DNM3: variants seen among roughly 807,000 people sequenced by gnomAD.
DNM3 encodes the protein dynamin 3.
A neutral mutation model predicts 101.6 loss-of-function variants in DNM3; 47 were observed. The ratio of observed to expected loss-of-function variants is 0.46; its 90% confidence interval spans 0.37 to 0.59. The LOEUF is 0.59. DNM3 is among the 20% of genes least tolerant of loss of function. The probability of loss-of-function intolerance (pLI) is 0.00; values close to 1 mark genes in which losing one functional copy is unlikely to be tolerated. For synonymous variants in DNM3, 385 were observed against 387.9 expected (o/e 0.99, Z 0.09); for missense variants, 849 against 1,085.7 (o/e 0.78, Z 3.06).
chr1:171,969,994 G>A (rs1404621013), intron 2 of DNM3: 1 of 152,166 alleles, frequency 6.6e-6, no homozygotes, highest in Non-Finnish European at 1.5e-5. Context: ...TTTACTCTAA[G>A]GGTCAAGAGT....
chr1:171,848,470 CATT>C (rs2032497720), intron 1 of DNM3, among the ~76,000 whole-genome samples: 1 of 152,140 alleles, frequency 6.6e-6, no homozygotes, highest in Non-Finnish European at 1.5e-5. Flanking sequence ...TGTTTTTACA[CATT>C]ATTAATATTT....
At chr1:171,959,010 G>T (rs1485729239) in intron 2 of DNM3, among the ~76,000 whole-genome samples, 1 of 152,098 alleles carries the variant, frequency 6.6e-6, no homozygotes, top group African/African-American at 2.4e-5. Flanking sequence ...AGTCCCAAAT[G>T]AATGACTTCA....
At chr1:171,934,321 C>T (rs925956416) in intron 2 of DNM3, among the ~76,000 whole-genome samples, 3 of 152,204 alleles carry the variant, frequency 2.0e-5, no homozygotes, top group African/African-American at 7.2e-5. Context: ...AGCATCCTTG[C>T]ATTCCTAAGA....
At chr1:171,865,296 G>C (rs1358451596) in intron 1 of DNM3, among the ~76,000 whole-genome samples, 1 of 151,832 alleles carries the variant, frequency 6.6e-6, no homozygotes, top group Non-Finnish European at 1.5e-5. Flanking sequence ...CAGGCAAATC[G>C]CTTGAGCCCG....
rs180676109 is a variant in DNM3 at position 172,071,626 on chromosome 1, G to C, written c.1422+2721G>C. On this transcript the variant is annotated intron_variant, in intron 11 of 20. Coordinates refer to ENST00000627582, the MANE Select transcript of DNM3 (RefSeq NM_015569.5). ...TACCAACTTCTGCTCTGGAAGCTTT[G>C]TGGGAAAAAAAAATCTTCAAAATTA... Among the ~76,000 whole-genome samples, 18 of 150,128 alleles carry C rather than the reference G, an allele frequency of 1.2e-4. 1 individual carries two copies. In the East Asian group the frequency reaches 3.6e-3, roughly 30 times the overall value.
intron 14 of DNM3, among the ~76,000 whole-genome samples, chr1:172,178,136 T>C (rs1456632922): frequency 6.6e-6 from 1 of 151,858 alleles, no homozygotes; most frequent in East Asian, 1.9e-4. Context: ...TATTAGTGTA[T>C]CTAAACATAT....
chr1:172,077,189 A>G (rs1450928040), intron 11 of DNM3, among the ~76,000 whole-genome samples: 3 of 151,010 alleles, frequency 2.0e-5, no homozygotes, highest in South Asian at 2.1e-4. Context: ...TATTGTTTCT[A>G]TTTGATTCTT....
chr1:172,221,807 A>T (rs2060916382), intron 14 of DNM3, among the ~76,000 whole-genome samples: 1 of 151,954 alleles, frequency 6.6e-6, no homozygotes, highest in African/African-American at 2.4e-5. Context: ...TCTGTGATTT[A>T]TTTTTCCCAA....
At chr1:172,182,798 CT>C (rs2059393737) in intron 14 of DNM3, among the ~76,000 whole-genome samples, 1 of 152,046 alleles carries the variant, frequency 6.6e-6, no homozygotes, top group Non-Finnish European at 1.5e-5. Flanking sequence ...AATACCCAAT[CT>C]TTTATACCAT....
rs554359320 is a variant in DNM3 at position 172,200,428 on chromosome 1, T to G, written c.1660-53145T>G. ...GAATCTTGCAGGAGTTCTCTGTATT[T>G]CCTGAATTTGACTGTTGGCCTCTCT... is the stretch of plus-strand genomic sequence containing the variant. On this transcript the variant is annotated intron_variant, in intron 14 of 20. Transcript: ENST00000627582. Among the ~76,000 whole-genome samples, 18 of 152,274 alleles carry G rather than the reference T, an allele frequency of 1.2e-4. No individual in the cohort carries two copies. The South Asian group carries it at 3.5e-3, about 30-fold the overall frequency.
rs1053827064 is a variant in DNM3 at position 172,201,293 on chromosome 1, C to T, written c.1660-52280C>T. 4.6e-5 allele frequency among the ~76,000 whole-genome samples: 7 copies of T among 152,196 alleles called. No individual in the cohort carries two copies. The South Asian group carries it at 1.5e-3, about 32-fold the overall frequency. On this transcript the variant is annotated intron_variant, in intron 14 of 20. Coordinates refer to ENST00000627582, the MANE Select transcript of DNM3 (RefSeq NM_015569.5). ...TCTCAATGCTCTGAAAGTGTGGGAT[C>T]CTCTCCCCCTTGAGTGCTGGCTGTA...
At chr1:172,398,177 A>G (rs1302709949) in intron 20 of DNM3, among the ~76,000 whole-genome samples, 1 of 152,216 alleles carries the variant, frequency 6.6e-6, no homozygotes, top group African/African-American at 2.4e-5. Flanking sequence ...GCAATGTTGA[A>G]TTGGAAAAGC....
At chr1:171,971,112 A>G (rs2043961523) in intron 2 of DNM3, among the ~76,000 whole-genome samples, 1 of 152,076 alleles carries the variant, frequency 6.6e-6, no homozygotes. Flanking sequence ...TAAATGCTTT[A>G]TGCTTTCACT....
At chr1:172,173,242 A>G (rs919933850) in intron 14 of DNM3, among the ~76,000 whole-genome samples, 130 of 151,840 alleles carry the variant, frequency 8.6e-4, no homozygotes, top group African/African-American at 2.8e-3. Context: ...AAGTAATAGA[A>G]TTGATGAGCA....
At chr1:172,309,005 C>CT in intron 16 of DNM3, 166 bp downstream of exon 16, 1 of 423,760 alleles carries the variant, frequency 2.4e-6, no homozygotes, top group Non-Finnish European at 4.1e-6. Context: ...TTTAACAATG[C>CT]TTTTTCTCTG....
At chr1:171,996,449 A>T (rs1374022729) in intron 4 of DNM3, among the ~76,000 whole-genome samples, 9 of 152,228 alleles carry the variant, frequency 5.9e-5, no homozygotes, top group African/African-American at 1.9e-4. Context: ...ACAGTGGTTG[A>T]ATAACATACC....
rs1398547905 is a variant in DNM3 at position 172,060,021 on chromosome 1, C to T, written c.1336-8798C>T. ...AGTCTCAGGATACAAAATCAATGTA[C>T]AGAAATCACAAGCATTCTTATATAC... On this transcript the variant is annotated intron_variant, in intron 10 of 20. Transcript: ENST00000627582. Among the ~76,000 whole-genome samples, 10 of 151,810 alleles carry T rather than the reference C, an allele frequency of 6.6e-5. No individual in the cohort carries two copies. In the East Asian group the frequency reaches 2.0e-3, roughly 30 times the overall value.
rs577675112 is a variant in DNM3 at position 172,405,923 on chromosome 1, A to T, written c.2523-1849A>T. ...TTTTTGCCATGGCCATGATTTACTC[A>T]CAAATATCCTTGTATTTATAAGACC... On this transcript the variant is annotated intron_variant, in intron 20 of 20. Coordinates refer to ENST00000627582, the MANE Select transcript of DNM3 (RefSeq NM_015569.5). 2.3e-3 allele frequency among the ~76,000 whole-genome samples: 343 copies of T among 151,680 alleles called. 1 individual carries two copies. The highest frequency in any genetic ancestry group is 7.7e-3 in the African/African-American group (318 of 41,358).
At chr1:172,320,185 G>A (rs2065630599) in intron 16 of DNM3, among the ~76,000 whole-genome samples, 1 of 141,888 alleles carries the variant, frequency 7.0e-6, no homozygotes, top group African/African-American at 2.6e-5. Context: ...TGAACAATGA[G>A]AACACATGGA....
Sources: gnomAD v4.1 joint callset for allele counts (sites outside exome capture counted in the v4.1 genomes callset) on GRCh38, gnomAD v4.1.1 for gene constraint, MANE v1.5 for transcripts, NCBI Gene and HGNC (gene_info 2026-07-23, HGNC 2026-07-21) for gene names.